ALPK1: variants seen among roughly 807,000 people sequenced by gnomAD.
ALPK1 encodes the protein alpha-protein kinase 1.
A neutral mutation model predicts 120.6 loss-of-function variants in ALPK1; 110 were observed. The ratio of observed to expected loss-of-function variants is 0.91; its 90% confidence interval spans 0.78 to 1.07. The LOEUF is 1.07. Ranked by LOEUF, ALPK1 falls within the 50% of genes least tolerant of loss-of-function variation. The probability of loss-of-function intolerance (pLI) is 0.00; values close to 1 mark genes in which losing one functional copy is unlikely to be tolerated. For missense variants in ALPK1, 1,498 were observed against 1,483.9 expected (o/e 1.01, Z -0.16); for synonymous variants, 582 against 560.3 (o/e 1.04, Z -0.55).
chr4:112,338,198 T>A (rs1729707348), intron 2 of ALPK1, among the ~76,000 whole-genome samples: 1 of 152,134 alleles, frequency 6.6e-6, no homozygotes. Context: ...AACTCCTGAC[T>A]TCAGGTGATC....
intron 2 of ALPK1, among the ~76,000 whole-genome samples, chr4:112,349,724 T>C (rs929159359): frequency 8.5e-5 from 13 of 152,050 alleles, no homozygotes; most frequent in Non-Finnish European, 8.8e-5. Context: ...TGGCTAATAG[T>C]TTGTATTTTT....
chr4:112,383,448 C>CT (rs1732013184), intron 4 of ALPK1: 1 of 152,010 alleles, frequency 6.6e-6, no homozygotes, highest in African/African-American at 2.4e-5. Context: ...AAGCAAAAAT[C>CT]TAAGAAAGAC....
rs529123010 is a variant in ALPK1 at position 112,366,840 on chromosome 4, A to G, written c.-100-10838A>G. On this transcript the variant is annotated intron_variant, in intron 2 of 15. Transcript: ENST00000650871. ...TGAGTGGGTAAAGAAATTGTGGTAT[A>G]TATACACCATGGACTACTACTCAGC... 1.2e-4 allele frequency among the ~76,000 whole-genome samples: 19 copies of G among 152,354 alleles called. No individual in the cohort carries two copies. The South Asian group carries it at 3.9e-3, about 32-fold the overall frequency.
chr4:112,393,593 AAG>A (rs561479362), intron 4 of ALPK1, among the ~76,000 whole-genome samples: 303 of 152,080 alleles, frequency 2.0e-3, no homozygotes, highest in Non-Finnish European at 3.8e-3. Flanking sequence ...AAAGGAAGTG[AAG>A]AGAGAGAGAG....
chr4:112,391,196 C>T (rs1732400289), intron 4 of ALPK1, among the ~76,000 whole-genome samples: 1 of 152,108 alleles, frequency 6.6e-6, no homozygotes, highest in South Asian at 2.1e-4. Flanking sequence ...GTGACATATG[C>T]CAGTCCCTAG....
intron 4 of ALPK1, among the ~76,000 whole-genome samples, chr4:112,386,373 A>T (rs2148731632): frequency 6.6e-6 from 1 of 152,338 alleles, no homozygotes; most frequent in South Asian, 2.1e-4. Context: ...CTCCCCAAGA[A>T]ACCTGAAGAG....
At position 112,411,814 on chromosome 4, in the gene ALPK1, G is replaced by T. The variant is rs1436623345; in HGVS notation, c.277-13G>T. 1 of 1,602,660 alleles carries T rather than the reference G, an allele frequency of 6.2e-7. No individual in the cohort carries two copies. The highest frequency in any genetic ancestry group is 2.3e-5 in the East Asian group (1 of 44,186). On this transcript the variant is annotated splice_polypyrimidine_tract_variant and intron_variant, in intron 4 of 15. Transcript: ENST00000650871. ...TTCCGCCTGGCTCACGATGTTCCAC[G>T]CTGTTCCTCCAGGCGTCCCTGAGGG...
At chr4:112,433,681 C>A (rs1448702200) in intron 11 of ALPK1, among the ~76,000 whole-genome samples, 1 of 152,112 alleles carries the variant, frequency 6.6e-6, no homozygotes, top group South Asian at 2.1e-4. Flanking sequence ...CCAGGAATCA[C>A]ATCAAAATGC....
At position 112,369,158 on chromosome 4, in the gene ALPK1, A is replaced by G. The variant is rs370584233; in HGVS notation, c.-100-8520A>G. 1.4e-4 allele frequency among the ~76,000 whole-genome samples: 21 copies of G among 152,320 alleles called. No homozygotes were observed. The East Asian group carries it at 2.9e-3, about 21-fold the overall frequency. On this transcript the variant is annotated intron_variant, in intron 2 of 15. Transcript: ENST00000650871. ...GTGTTAGATAGTCTTCCTCAATGCT[A>G]GAAATAGAAGTCTACTTTTTTATGT...
intron 2 of ALPK1, among the ~76,000 whole-genome samples, chr4:112,337,564 C>A (rs1231255935): frequency 6.6e-6 from 1 of 152,066 alleles, no homozygotes; most frequent in Non-Finnish European, 1.5e-5. Context: ...ATGAGCCAGG[C>A]ATGGTGGCAT....
chr4:112,431,674 T>A lies in ALPK1; in HGVS notation c.2127T>A (p.Thr709=). The change falls in exon 11 of 16, where the codon ACT becomes ACA. Residue 709 remains threonine, a synonymous_variant. Coordinates refer to ENST00000650871, the MANE Select transcript of ALPK1 (RefSeq NM_025144.4). ...QEVRNMGPRN[T]SAHSRPSYRS... ...TCAGAAATATGGGACCCAGAAATAC[T>A]TCTGCTCACTCCAGACCCTCATATC... 1.2e-6 allele frequency: 2 copies of A among 1,614,182 alleles called. No homozygotes were observed. Among genetic ancestry groups the A allele is most frequent in the Non-Finnish European group, 8.5e-7 (1 of 1,180,034 alleles).
At position 112,431,670 on chromosome 4, in the gene ALPK1, A is replaced by T; in HGVS notation, c.2123A>T (p.Asn708Ile). ...IQEVRNMGPR[N>I]TSAHSRPSYR... ...GAAGTCAGAAATATGGGACCCAGAA[A>T]TACTTCTGCTCACTCCAGACCCTCA... The change falls in exon 11 of 16, where the codon AAT (asparagine) becomes ATT (isoleucine). Residue 708 changes from asparagine to isoleucine, a missense_variant. Transcript: ENST00000650871. 6.2e-7 allele frequency: 1 copy of T among 1,614,182 alleles called. No individual in the cohort carries two copies. The highest frequency in any genetic ancestry group is 8.5e-7 in the Non-Finnish European group (1 of 1,180,024).
chr4:112,297,646 G>C (rs1431513567), intron 1 of ALPK1, among the ~76,000 whole-genome samples, 177 bp downstream of exon 1: 1 of 148,588 alleles, frequency 6.7e-6, no homozygotes, highest in African/African-American at 2.5e-5. Context: ...GGGAGGATGA[G>C]TTGGTGGGGT....
intron 2 of ALPK1, among the ~76,000 whole-genome samples, chr4:112,365,565 A>G (rs888439593): frequency 2.6e-5 from 4 of 152,350 alleles, no homozygotes; most frequent in Admixed American, 1.3e-4. Flanking sequence ...CAGACAGCAC[A>G]AACAAATGGA....
intron 3 of ALPK1, among the ~76,000 whole-genome samples, chr4:112,380,821 G>A (rs1344187226): frequency 1.3e-5 from 2 of 152,228 alleles, no homozygotes; most frequent in African/African-American, 4.8e-5. Context: ...CTTGTCTTCA[G>A]GGAGATAGCA....
At chr4:112,386,932 G>A (rs1300840981) in intron 4 of ALPK1, among the ~76,000 whole-genome samples, 1 of 152,158 alleles carries the variant, frequency 6.6e-6, no homozygotes, top group Non-Finnish European at 1.5e-5. Flanking sequence ...ACTCTGAGAG[G>A]GAAAGATGAA....
Position 112,382,568 on chromosome 4 carries a change from C to A in ALPK1, c.276+16C>A. On this transcript the variant is annotated intron_variant, in intron 4 of 15. Transcript: ENST00000650871. ...GCAGTTACTGGTAGGAAGAGCCACACCACCTGTTCCTCTGATATCCCCAAG... is the reference window on the plus strand; with the variant it reads ...GCAGTTACTGGTAGGAAGAGCCACAACACCTGTTCCTCTGATATCCCCAAG... The A allele has an allele frequency of 1.2e-6, 2 of 1,614,098 alleles. No individual in the cohort carries two copies. The highest frequency in any genetic ancestry group is 8.5e-7 in the Non-Finnish European group (1 of 1,179,988).
At chr4:112,425,923 T>C in intron 7 of ALPK1, 172 bp downstream of exon 7, 3 of 496,124 alleles carry the variant, frequency 6.0e-6, no homozygotes, top group African/African-American at 5.9e-5. Context: ...TCACAAATAT[T>C]AATAAAATGT....
chr4:112,355,775 T>G lies in ALPK1; in HGVS notation c.-100-21903T>G, dbSNP rs369490399. Among the ~76,000 whole-genome samples, 115 of 152,332 alleles carry G rather than the reference T, an allele frequency of 7.5e-4. 1 individual carries two copies. The highest frequency in any genetic ancestry group is 2.5e-3 in the African/African-American group (106 of 41,584). On this transcript the variant is annotated intron_variant, in intron 2 of 15. Coordinates refer to ENST00000650871, the MANE Select transcript of ALPK1 (RefSeq NM_025144.4). ...CCCCATCCGTGGGGTAACAGTTTCC[T>G]CCTGGAGCACAAAGCAGCAGACTGG...
Sources: allele counts gnomAD v4.1 joint callset (sites outside exome capture counted in the v4.1 genomes callset), GRCh38; gene constraint gnomAD v4.1.1; transcripts MANE v1.5; gene names NCBI Gene and HGNC (gene_info 2026-07-23, HGNC 2026-07-21).